The following HOMER2 variants were observed in gnomAD, a reference collection of about 807,000 sequenced individuals.
The protein encoded by HOMER2 is homer scaffold protein 2.
HOMER2 carries 27 observed loss-of-function variants against 47.0 expected under a neutral mutation model. The ratio of observed to expected loss-of-function variants is 0.57; its 90% CI spans 0.42 to 0.79. The LOEUF (loss-of-function observed/expected upper bound fraction) is 0.79. HOMER2 is among the 30% of genes least tolerant of loss of function. The probability of loss-of-function intolerance (pLI) is 0.00; values close to 1 mark genes in which losing one functional copy is unlikely to be tolerated. For missense variants in HOMER2, 443 were observed against 435.0 expected (o/e 1.02, Z -0.16); for synonymous variants, 161 against 163.8 (o/e 0.98, Z 0.13).
intron 1 of HOMER2, among the ~76,000 whole-genome samples, chr15:82,939,562 T>TG (rs1458990217): frequency 3.9e-5 from 6 of 152,152 alleles, no homozygotes; most frequent in Non-Finnish European, 7.4e-5. Context: ...CCCAACTACT[T>TG]GGGGGGCTGA....
chr15:82,893,336 T>TC lies in HOMER2; in HGVS notation c.6-496_6-495insG, dbSNP rs1596328316. On this transcript the variant is annotated intron_variant, in intron 1 of 8. Transcript: ENST00000450735. ...TGAATGACATAATTTTATCTTTTTT[T>TC]TTTTTTTTTTTTTGGATATAGAGTC... Among the ~76,000 whole-genome samples the TC allele has an allele frequency of 2.0e-5, 3 of 149,006 alleles. No individual in the cohort carries two copies. The East Asian group carries it at 5.8e-4, about 29-fold the overall frequency.
In HOMER2 at chr15:82,972,079, G is replaced by GT. The variant is rs747404695; in HGVS notation, n.83-12772dup. Among the ~76,000 whole-genome samples, 4 of 152,134 alleles carry GT rather than the reference G, an allele frequency of 2.6e-5. No individual in the cohort carries two copies. The East Asian group carries it at 7.7e-4, about 29-fold the overall frequency. ...TTACCTACCATAAAATTCACCCATT[G>GT]TAAGTGTACAATTCATGATTTGTAG... is the stretch of plus-strand genomic sequence containing the variant. On this transcript the variant is annotated intron_variant and non_coding_transcript_variant, in intron 1 of 1. Transcript: ENST00000500334.
chr15:82,893,148 TTC>T (rs1356658671), intron 1 of HOMER2, among the ~76,000 whole-genome samples: 2 of 152,170 alleles, frequency 1.3e-5, no homozygotes, highest in Non-Finnish European at 2.9e-5. Flanking sequence ...CCTATACTTT[TTC>T]TGACATCCTG....
intron 1 of HOMER2, among the ~76,000 whole-genome samples, chr15:82,931,863 A>T (rs1357592933): frequency 3.3e-5 from 5 of 151,792 alleles, no homozygotes; most frequent in Non-Finnish European, 5.9e-5. Flanking sequence ...ACAAAACAAA[A>T]CAAAACTGAC....
At chr15:82,954,374 T>G (rs1367619462), upstream of HOMER2, among the ~76,000 whole-genome samples, 2 of 151,424 alleles carry the variant, frequency 1.3e-5, no homozygotes, top group Non-Finnish European at 1.5e-5. Context: ...CTCGGCTCAC[T>G]GCAACCCCCA....
At chr15:82,896,484 G>A (rs1352578163) in intron 1 of HOMER2, among the ~76,000 whole-genome samples, 4 of 152,176 alleles carry the variant, frequency 2.6e-5, no homozygotes, top group African/African-American at 9.6e-5. Flanking sequence ...CCCCCAAGTA[G>A]AAATGCAACG....
At chr15:82,903,369 T>C (rs2053188225) in intron 1 of HOMER2, among the ~76,000 whole-genome samples, 1 of 152,092 alleles carries the variant, frequency 6.6e-6, no homozygotes, top group South Asian at 2.1e-4. Context: ...TCTCAACACC[T>C]TGGGAGGCCA....
intron 1 of HOMER2, among the ~76,000 whole-genome samples, chr15:82,893,625 C>CTTTT (rs537549847): frequency 5.9e-5 from 8 of 134,974 alleles, no homozygotes; most frequent in African/African-American, 2.2e-4. Context: ...GCCACTGCGC[C>CTTTT]TTTTTTTTTT....
chr15:82,977,688 C>G (rs985584476), intron 1 of HOMER2, among the ~76,000 whole-genome samples: 1 of 152,078 alleles, frequency 6.6e-6, no homozygotes, highest in African/African-American at 2.4e-5. Flanking sequence ...TACACTCTAG[C>G]AGGAAAGAGG....
intron 1 of HOMER2, among the ~76,000 whole-genome samples, chr15:82,976,134 G>A (rs530129338): frequency 2.6e-4 from 39 of 152,182 alleles, no homozygotes; most frequent in South Asian, 8.3e-4. Context: ...CACGCACTCC[G>A]TGTATATGCT....
At chr15:82,840,469 A>T (rs1396123400) in exon 2 of HOMER2, 1 of 152,130 alleles carries the variant, frequency 6.6e-6, no homozygotes, top group Non-Finnish European at 1.5e-5. Context: ...TCACTTAATT[A>T]AAAAAAATTT....
chr15:82,880,266 A>T (rs1477097222), intron 2 of HOMER2, among the ~76,000 whole-genome samples: 1 of 152,244 alleles, frequency 6.6e-6, no homozygotes, highest in Non-Finnish European at 1.5e-5. Context: ...CCTGAATAAA[A>T]AACTTTTTTA....
upstream of HOMER2, chr15:82,952,792 G>GCC: frequency 1.3e-6 from 1 of 798,818 alleles, no homozygotes; most frequent in Non-Finnish European, 1.5e-6. Context: ...ACCCCCGCCC[G>GCC]GCTCCTTACG....
chr15:82,940,547 T>TC (rs1221536811), intron 1 of HOMER2, among the ~76,000 whole-genome samples: 2 of 152,046 alleles, frequency 1.3e-5, no homozygotes, highest in Non-Finnish European at 2.9e-5. Context: ...ATCGAGACCA[T>TC]CCTGGCTAAC....
At chr15:82,872,577 A>T (rs1395622741) in intron 3 of HOMER2, among the ~76,000 whole-genome samples, 2 of 152,192 alleles carry the variant, frequency 1.3e-5, no homozygotes, top group African/African-American at 2.4e-5. Context: ...CTCTGGCATG[A>T]CCAATAAAGC....
At chr15:82,900,040 A>G (rs763272838) in intron 1 of HOMER2, among the ~76,000 whole-genome samples, 2 of 152,146 alleles carry the variant, frequency 1.3e-5, no homozygotes, top group East Asian at 1.9e-4. Context: ...TAAAAAATAT[A>G]TAATAATAGA....
chr15:82,910,348 G>A (rs1330499175), intron 1 of HOMER2, among the ~76,000 whole-genome samples: 1 of 152,080 alleles, frequency 6.6e-6, no homozygotes, highest in Non-Finnish European at 1.5e-5. Flanking sequence ...TAGAAAGAAG[G>A]AACGCTGCCG....
At chr15:82,867,695 C>T (rs1365901667) in intron 3 of HOMER2, among the ~76,000 whole-genome samples, 4 of 152,148 alleles carry the variant, frequency 2.6e-5, no homozygotes, top group African/African-American at 7.2e-5. Flanking sequence ...ATTGGTGCAG[C>T]CCCACTGAGA....
intron 1 of HOMER2, among the ~76,000 whole-genome samples, chr15:82,896,635 T>A (rs1413900790): frequency 6.6e-6 from 1 of 152,176 alleles, no homozygotes; most frequent in Non-Finnish European, 1.5e-5. Context: ...GGCAGCTCCA[T>A]TCTGAGGTAG....
Sources: gnomAD v4.1 joint callset for allele counts (sites outside exome capture counted in the v4.1 genomes callset) on GRCh38, gnomAD v4.1.1 for gene constraint, MANE v1.5 for transcripts, NCBI Gene and HGNC (gene_info 2026-07-23, HGNC 2026-07-21) for gene names.